Variants in CCDC125 observed in about 807,000 individuals in gnomAD.
CCDC125 encodes coiled-coil domain-containing protein 125.
In CCDC125, 43 loss-of-function variants were observed where a neutral mutation model predicts 57.4. That is an observed-to-expected ratio of 0.75 (90% CI 0.59 to 0.97). CCDC125 has a LOEUF of 0.97. Among genes scored for constraint, CCDC125 ranks in the 50% least tolerant of loss-of-function variants. The pLI is 0.00. For synonymous variants in CCDC125, 187 were observed against 195.2 expected (o/e 0.96, Z 0.35); for missense variants, 563 against 595.7 (o/e 0.95, Z 0.57).
intron 10 of CCDC125, among the ~76,000 whole-genome samples, chr5:69,291,683 A>G (rs1344734430): frequency 1.3e-5 from 2 of 152,164 alleles, no homozygotes; most frequent in African/African-American, 4.8e-5. Flanking sequence ...GGGTTCGTGA[A>G]CCAAAACCTA....
At chr5:69,292,134 T>C in intron 10 of CCDC125, 54 bp downstream of exon 10, 2 of 1,455,544 alleles carry the variant, frequency 1.4e-6, no homozygotes, top group Admixed American at 2.0e-5. Flanking sequence ...ACTTGGATTA[T>C]AAACAAAACA....
At chr5:69,329,380 G>T (rs1001938989) in intron 1 of CCDC125, among the ~76,000 whole-genome samples, 2 of 151,274 alleles carry the variant, frequency 1.3e-5, no homozygotes, top group African/African-American at 2.4e-5. Context: ...TAGAGACGAG[G>T]TCTCCTTATA....
intron 5 of CCDC125, chr5:69,307,725 C>A: frequency 2.0e-6 from 1 of 498,860 alleles, no homozygotes; most frequent in Non-Finnish European, 3.6e-6. Flanking sequence ...ACCAATTTGG[C>A]AGGCCTCCTA....
intron 4 of CCDC125, chr5:69,308,552 A>C (rs2150494863): frequency 5.2e-6 from 1 of 192,150 alleles, no homozygotes; most frequent in Non-Finnish European, 1.1e-5. Context: ...TCCCACCATG[A>C]TTCTGAGACC....
Position 69,320,366 on chromosome 5 carries a change from G to T in CCDC125, c.175C>A (p.Pro59Thr), listed in dbSNP as rs749607833. 6.2e-7 allele frequency: 1 copy of T among 1,613,930 alleles called. No individual in the cohort carries two copies. Among genetic ancestry groups the T allele is most frequent in the South Asian group, 1.1e-5 (1 of 91,070 alleles). ...RKRSDGKNFS[P>T]PPFPRKGEER... ...TCTCCCTTTCTCGGAAATGGAGGAGGGCTAAAGTTCTTTCCATCTGATCTT... is the reference window on the plus strand; with the variant it reads ...TCTCCCTTTCTCGGAAATGGAGGAGTGCTAAAGTTCTTTCCATCTGATCTT... The change falls in exon 2 of 12, where the codon CCT becomes ACT. Residue 59 changes from proline to threonine, a missense_variant. Transcript: ENST00000396496.
At chr5:69,314,140 C>T (rs1580170329) in intron 2 of CCDC125, 94 bp from the exon 3 acceptor site, 19 of 854,288 alleles carry the variant, frequency 2.2e-5, no homozygotes, top group Non-Finnish European at 3.7e-5. Flanking sequence ...TTACCAAATA[C>T]AGGTATCCCC....
At chr5:69,276,441 A>G (rs1752147623), downstream of CCDC125, 2 of 991,760 alleles carry the variant, frequency 2.0e-6, no homozygotes, top group African/African-American at 1.6e-5. Context: ...GAGGGCATTC[A>G]CATAGTATTT....
intron 1 of CCDC125, among the ~76,000 whole-genome samples, chr5:69,325,591 C>T (rs1015047411): frequency 4.7e-5 from 7 of 150,340 alleles, no homozygotes; most frequent in Admixed American, 6.7e-5. Context: ...TTTGGAAGGT[C>T]GAGGTGGGCG....
chr5:69,329,419 C>G (rs963055150), intron 1 of CCDC125, among the ~76,000 whole-genome samples: 2 of 150,948 alleles, frequency 1.3e-5, no homozygotes, highest in Non-Finnish European at 2.9e-5. Context: ...AACTCCTGGG[C>G]TCAAGCAATC....
chr5:69,313,481 T>G (rs1758490120), intron 3 of CCDC125: 1 of 1,093,014 alleles, frequency 9.1e-7, no homozygotes, highest in Non-Finnish European at 1.4e-6. Flanking sequence ...TCTTGCTTGA[T>G]TCCTGTCAGC....
intron 2 of CCDC125, among the ~76,000 whole-genome samples, chr5:69,317,631 G>A (rs1759334399): frequency 6.6e-6 from 1 of 152,222 alleles, no homozygotes; most frequent in South Asian, 2.1e-4. Flanking sequence ...GATAACAGCT[G>A]GTGCCATGGT....
chr5:69,324,976 G>A (rs769053069), intron 1 of CCDC125, among the ~76,000 whole-genome samples: 1 of 152,202 alleles, frequency 6.6e-6, no homozygotes. Context: ...GGGCATGAGG[G>A]AAGTTTTCTG....
rs1368095705 is a variant in CCDC125, at chr5:69,299,478, C to T, written c.816+534G>A. On this transcript the variant is annotated intron_variant, in intron 8 of 11. Coordinates refer to ENST00000396496, the MANE Select transcript of CCDC125 (RefSeq NM_176816.5). ...ACTGCTCCATTATTTTTTTGTGAGG[C>T]CCCTTCTGACCTCATTAGCCAAACT... Among the ~76,000 whole-genome samples, 4 of 152,208 alleles carry T rather than the reference C, an allele frequency of 2.6e-5. No homozygotes were observed. The East Asian group carries it at 7.7e-4, about 29-fold the overall frequency.
At chr5:69,320,787 G>T (rs914903611) in intron 1 of CCDC125, among the ~76,000 whole-genome samples, 1 of 143,832 alleles carries the variant, frequency 7.0e-6, no homozygotes, top group East Asian at 2.0e-4. Context: ...ATGGTGTGGG[G>T]TGTGTGTGTG....
At chr5:69,287,575 G>GTT (rs1429379540) in intron 10 of CCDC125, among the ~76,000 whole-genome samples, 2 of 143,002 alleles carry the variant, frequency 1.4e-5, no homozygotes, top group South Asian at 2.2e-4. Context: ...GTTTTTGGTG[G>GTT]TTTTTTTTTT....
intron 11 of CCDC125, among the ~76,000 whole-genome samples, chr5:69,284,443 A>T (rs1752988531): frequency 6.6e-6 from 1 of 152,188 alleles, no homozygotes; most frequent in African/African-American, 2.4e-5. Flanking sequence ...TGAACACTTT[A>T]AAAATGCCTC....
intron 3 of CCDC125, chr5:69,313,506 G>A (rs572418875): frequency 4.1e-5 from 37 of 906,636 alleles, no homozygotes; most frequent in African/African-American, 2.3e-4. Context: ...TGTTGATGGC[G>A]TCCTTGGAGC....
intron 10 of CCDC125, among the ~76,000 whole-genome samples, 185 bp from the exon 11 acceptor site, chr5:69,285,652 G>A (rs1286265513): frequency 3.2e-4 from 48 of 152,330 alleles, no homozygotes; most frequent in Non-Finnish European, 1.0e-4. Flanking sequence ...GTGCCGCCCT[G>A]CCATGCGGCA....
At chr5:69,304,850 C>A (rs1303519936) in intron 6 of CCDC125, among the ~76,000 whole-genome samples, 1 of 152,166 alleles carries the variant, frequency 6.6e-6, no homozygotes, top group Non-Finnish European at 1.5e-5. Flanking sequence ...ATGCTTAGGT[C>A]ACCTTCAGAA....
Sources: gnomAD v4.1 joint callset for allele counts (sites outside exome capture counted in the v4.1 genomes callset) on GRCh38, gnomAD v4.1.1 for gene constraint, MANE v1.5 for transcripts, NCBI Gene and HGNC (gene_info 2026-07-23, HGNC 2026-07-21) for gene names.